RCOR3: variants seen among roughly 807,000 people sequenced by gnomAD.
The protein encoded by RCOR3 is REST corepressor 3.
A neutral mutation model predicts 64.1 loss-of-function variants in RCOR3; 13 were observed. The ratio of observed to expected loss-of-function variants is 0.20; its 90% CI spans 0.13 to 0.32. RCOR3 has a LOEUF of 0.32. RCOR3 is among the 10% of genes least tolerant of loss of function. The pLI is 1.00. For missense variants in RCOR3, 489 were observed against 701.2 expected (o/e 0.70, Z 3.42); for synonymous variants, 215 against 239.0 (o/e 0.90, Z 0.93).
In RCOR3 at chr1:211,276,237, G is replaced by T; in HGVS notation, c.355-20G>T. 6.2e-7 allele frequency: 1 copy of T among 1,607,098 alleles called. No homozygotes were observed. The highest frequency in any genetic ancestry group is 8.5e-7 in the Non-Finnish European group (1 of 1,176,304). ...AACATAAGTCCATTAAAACCAAAGG[G>T]GAATGATTTCTCTTCAAAGGCACTT... is the stretch of plus-strand genomic sequence containing the variant. On this transcript the variant is annotated intron_variant, in intron 4 of 11. Coordinates refer to ENST00000419091, the MANE Select transcript of RCOR3 (RefSeq NM_001136223.3).
At chr1:211,295,655 T>C in intron 8 of RCOR3, 21 bp from the exon 9 acceptor site, 1 of 1,602,694 alleles carries the variant, frequency 6.2e-7, no homozygotes, top group Non-Finnish European at 8.5e-7. Context: ...CTGATTCACA[T>C]TTGGGGTTAT....
chr1:211,312,976 G>T lies in RCOR3; in HGVS notation c.1317+15G>T. 6.2e-7 allele frequency: 1 copy of T among 1,614,060 alleles called. No individual in the cohort carries two copies. Among genetic ancestry groups the T allele is most frequent in the Admixed American group, 1.7e-5 (1 of 60,026 alleles). ...AAGAAGAGGAGGTGTGTTTGTGTAT[G>T]GAATTTGAGCTAATATGAGTTGAGG... is the stretch of plus-strand genomic sequence containing the variant. On this transcript the variant is annotated intron_variant, in intron 11 of 11. Transcript: ENST00000419091. This position sits in a 1 kb window ranked among gnomAD's most constrained non-coding sequence, Gnocchi z 5.0.
At chr1:211,272,782 C>A (rs1015761890) in intron 3 of RCOR3, among the ~76,000 whole-genome samples, 1 of 150,396 alleles carries the variant, frequency 6.6e-6, no homozygotes, top group East Asian at 1.9e-4. Context: ...CCACTACGCC[C>A]GGCTAATTTT....
At chr1:211,266,009 T>C (rs1330799607) in intron 2 of RCOR3, among the ~76,000 whole-genome samples, 1 of 152,102 alleles carries the variant, frequency 6.6e-6, no homozygotes, top group Non-Finnish European at 1.5e-5. Context: ...ATGATGGAAG[T>C]AGAATGAATC....
chr1:211,259,993 C>T, intron 1 of RCOR3, 115 bp from the exon 2 acceptor site: 3 of 1,313,452 alleles, frequency 2.3e-6, no homozygotes, highest in Non-Finnish European at 2.9e-6. Context: ...ATCTTCCCAT[C>T]CACCCGCCGC....
Position 211,261,919 on chromosome 1 carries a change from A to G in RCOR3, c.223+1755A>G, listed in dbSNP as rs1167829752. Among the ~76,000 whole-genome samples, 8 of 145,488 alleles carry G rather than the reference A, an allele frequency of 5.5e-5. No individual in the cohort carries two copies. The East Asian group carries it at 1.2e-3, about 22-fold the overall frequency. ...AGCCTGGGCAACAGAGTGAGACTCCATCTCAAAAAAAAAAAAAAAAAACTG... is the reference window on the plus strand; with the variant it reads ...AGCCTGGGCAACAGAGTGAGACTCCGTCTCAAAAAAAAAAAAAAAAAACTG... On this transcript the variant is annotated intron_variant, in intron 2 of 11. Transcript: ENST00000419091.
At chr1:211,293,838 G>T (rs1211901370) in intron 8 of RCOR3, among the ~76,000 whole-genome samples, 1 of 151,996 alleles carries the variant, frequency 6.6e-6, no homozygotes. Context: ...TAAGTATTTC[G>T]TTGTCCACAC....
At chr1:211,288,164 C>T (rs528188999) in intron 7 of RCOR3, among the ~76,000 whole-genome samples, 2 of 151,044 alleles carry the variant, frequency 1.3e-5, no homozygotes, top group East Asian at 3.9e-4. Context: ...GTAAGCAGTG[C>T]TCATGCCACT....
At chr1:211,271,099 C>T (rs1041966570) in intron 2 of RCOR3, 133 bp from the exon 3 acceptor site, 75 of 585,372 alleles carry the variant, frequency 1.3e-4, no homozygotes, top group Middle Eastern at 8.9e-4. Flanking sequence ...CCTTGTGATC[C>T]GCCTGCCTCG....
intron 4 of RCOR3, among the ~76,000 whole-genome samples, chr1:211,275,111 A>T (rs1191959636): frequency 6.6e-6 from 1 of 151,796 alleles, no homozygotes; most frequent in Non-Finnish European, 1.5e-5. Flanking sequence ...GAAATTACAG[A>T]ATAATGAAAT....
chr1:211,286,794 T>G (rs972943878), intron 7 of RCOR3, among the ~76,000 whole-genome samples: 1 of 152,224 alleles, frequency 6.6e-6, no homozygotes, highest in Non-Finnish European at 1.5e-5. Flanking sequence ...TACATCTTGG[T>G]TTTTTAAATC....
intron 8 of RCOR3, among the ~76,000 whole-genome samples, chr1:211,293,771 AT>A (rs1221900376): frequency 6.6e-6 from 1 of 152,236 alleles, no homozygotes; most frequent in Non-Finnish European, 1.5e-5. Flanking sequence ...ACCATCCTAG[AT>A]TTTATGCATT....
chr1:211,259,465 C>G lies in RCOR3; in HGVS notation c.-96C>G. On this transcript the variant is annotated 5_prime_UTR_variant, in exon 1 of 12. Coordinates refer to ENST00000419091, the MANE Select transcript of RCOR3 (RefSeq NM_001136223.3). ...TCCGCCGCCGCCGCCGTCTCCTCCT[C>G]CTCCTCCTTTCCCTCCCGCCCGCGC... 3.1e-6 allele frequency: 4 copies of G among 1,280,082 alleles called. No individual in the cohort carries two copies. The highest frequency in any genetic ancestry group is 3.2e-6 in the Non-Finnish European group (3 of 932,902). The allele number at this position is 1,280,082 out of a possible 1,614,324, so 79.3% of individuals were successfully genotyped here.
At chr1:211,276,580 C>T (rs1276079939) in intron 5 of RCOR3, among the ~76,000 whole-genome samples, 162 bp downstream of exon 5, 1 of 152,166 alleles carries the variant, frequency 6.6e-6, no homozygotes, top group East Asian at 1.9e-4. Flanking sequence ...TGCAACCACT[C>T]TTACATGACA....
chr1:211,276,497 A>C (rs1056885673), intron 5 of RCOR3, 79 bp downstream of exon 5: 7 of 1,198,424 alleles, frequency 5.8e-6, no homozygotes, highest in African/African-American at 1.5e-5. Flanking sequence ...TAATTATTAA[A>C]TACAAAAACA....
intron 2 of RCOR3, among the ~76,000 whole-genome samples, chr1:211,270,846 A>T (rs1696065785): frequency 6.6e-6 from 1 of 152,040 alleles, no homozygotes; most frequent in African/African-American, 2.4e-5. Context: ...CTAAAACAGA[A>T]ATAAAGCTTA....
intron 9 of RCOR3, among the ~76,000 whole-genome samples, chr1:211,300,071 C>CTTTTTTTTTTT (rs11419492): frequency 8.2e-6 from 1 of 121,300 alleles, no homozygotes; most frequent in Non-Finnish European, 1.7e-5. Context: ...TTCTTTCTTT[C>CTTTTTTTTTTT]TTTTTTTTTT....
rs1481466094 is a variant in RCOR3, at chr1:211,295,590, G to A, written c.940-86G>A. On this transcript the variant is annotated intron_variant, in intron 8 of 11. Transcript: ENST00000419091. ...CTAAAATAAAATTTAAGAGGGGTTT[G>A]GAATATATTCTTTTCACTTAATTGA... 30 of 1,105,990 alleles carry A rather than the reference G, an allele frequency of 2.7e-5. No individual in the cohort carries two copies. In the Admixed American group the frequency reaches 5.3e-4, roughly 19 times the overall value. The allele number at this position is 1,105,990 out of a possible 1,614,324, so 68.5% of individuals were successfully genotyped here.
chr1:211,271,295 T>C lies in RCOR3; in HGVS notation c.287T>C (p.Ile96Thr). The C allele has an allele frequency of 6.2e-7, 1 of 1,613,284 alleles. No individual in the cohort carries two copies. Among genetic ancestry groups the C allele is most frequent in the South Asian group, 1.1e-5 (1 of 90,956 alleles). Residue 96 changes from isoleucine (I) to threonine (T), a missense_variant, in exon 3 of 12, where the codon ATC becomes ACC. This residue lies in a region of RCOR3 where 402 missense variants were observed against 617.0 expected (regional missense o/e 0.65). Coordinates refer to ENST00000419091, the MANE Select transcript of RCOR3 (RefSeq NM_001136223.3). The stretch of plus-strand genomic sequence containing the variant: ...CTTGTATGGTCTCCATATCACAGTA[T>C]CCCAGATGCCAAATGTAAGTTTTCT... ...GMLVWSPYHS[I>T]PDAKLDEYIA... is the part of the protein sequence containing the mutation.
Sources: allele counts gnomAD v4.1 joint callset (sites outside exome capture counted in the v4.1 genomes callset), GRCh38; gene constraint gnomAD v4.1.1; regional missense constraint gnomAD v4.1.1; non-coding constraint Gnocchi (gnomAD v3.1); transcripts MANE v1.5; gene names NCBI Gene and HGNC (gene_info 2026-07-23, HGNC 2026-07-21).